Variants in PIP5K1B observed in about 807,000 individuals in gnomAD.
The protein encoded by PIP5K1B is phosphatidylinositol-4-phosphate 5-kinase type 1 beta.
A neutral mutation model predicts 67.0 loss-of-function variants in PIP5K1B; 42 were observed. The ratio of observed to expected loss-of-function variants is 0.63; its 90% CI spans 0.49 to 0.81. The LOEUF is 0.81. PIP5K1B is among the 30% of genes least tolerant of loss of function. The probability of loss-of-function intolerance (pLI) is 0.00; values close to 1 mark genes in which losing one functional copy is unlikely to be tolerated. For missense variants in PIP5K1B, 459 were observed against 646.3 expected (o/e 0.71, Z 3.14); for synonymous variants, 214 against 231.4 (o/e 0.92, Z 0.68).
chr9:69,005,872 C>T (rs1831053107), intron 15 of PIP5K1B, among the ~76,000 whole-genome samples: 1 of 150,050 alleles, frequency 6.7e-6, no homozygotes. Context: ...AGTGACCACT[C>T]ATTTCTTTCT....
chr9:68,874,826 T>G (rs1823796002), intron 5 of PIP5K1B, among the ~76,000 whole-genome samples: 1 of 152,228 alleles, frequency 6.6e-6, no homozygotes, highest in South Asian at 2.1e-4. Context: ...AGCAGCCTGC[T>G]TCAGAACCTA....
At chr9:68,746,024 C>A (rs1317811393) in intron 2 of PIP5K1B, among the ~76,000 whole-genome samples, 1 of 149,636 alleles carries the variant, frequency 6.7e-6, no homozygotes, top group African/African-American at 2.5e-5. Flanking sequence ...TAAAAAGTTA[C>A]TTTTGTTTAA....
intron 2 of PIP5K1B, among the ~76,000 whole-genome samples, chr9:68,743,951 C>A (rs1256758494): frequency 6.6e-6 from 1 of 152,090 alleles, no homozygotes; most frequent in Non-Finnish European, 1.5e-5. Flanking sequence ...TCATAAAGCA[C>A]AATATTGGGA....
chr9:68,888,446 A>C (rs1379737616), intron 6 of PIP5K1B, among the ~76,000 whole-genome samples: 3 of 152,258 alleles, frequency 2.0e-5, no homozygotes, highest in African/African-American at 7.2e-5. Flanking sequence ...TGGTATAACC[A>C]AAATAGAAAT....
intron 14 of PIP5K1B, among the ~76,000 whole-genome samples, chr9:68,982,537 GC>G (rs940149137): frequency 6.6e-6 from 1 of 151,944 alleles, no homozygotes; most frequent in Non-Finnish European, 1.5e-5. Context: ...TGGGTGGATC[GC>G]CCAAGGCCAG....
chr9:68,998,507 T>G (rs1315949269), intron 15 of PIP5K1B, among the ~76,000 whole-genome samples: 1 of 152,166 alleles, frequency 6.6e-6, no homozygotes, highest in Non-Finnish European at 1.5e-5. Flanking sequence ...TCCTATTGCT[T>G]CTCTTTGTGG....
At chr9:68,773,642 A>G (rs1830770181) in intron 2 of PIP5K1B, among the ~76,000 whole-genome samples, 1 of 152,204 alleles carries the variant, frequency 6.6e-6, no homozygotes, top group Non-Finnish European at 1.5e-5. Context: ...CACTGTCTCC[A>G]TAAGAAGGAT....
chr9:68,730,676 T>A (rs185203773), intron 1 of PIP5K1B, among the ~76,000 whole-genome samples: 38 of 152,316 alleles, frequency 2.5e-4, no homozygotes, highest in Admixed American at 3.9e-4. Flanking sequence ...GAAGTCACTG[T>A]AGTGGACTTT....
chr9:68,722,297 C>T (rs975277153), intron 1 of PIP5K1B, among the ~76,000 whole-genome samples: 5 of 152,250 alleles, frequency 3.3e-5, no homozygotes, highest in Non-Finnish European at 7.4e-5. Context: ...CTTCACCTCC[C>T]GGGTTCAAGC....
intron 15 of PIP5K1B, 80 bp downstream of exon 15, chr9:68,991,337 C>A: frequency 2.6e-6 from 2 of 772,734 alleles, no homozygotes; most frequent in South Asian, 1.5e-5. Flanking sequence ...AGAACAAGTT[C>A]AATAAAACCA....
intron 14 of PIP5K1B, among the ~76,000 whole-genome samples, chr9:68,989,903 C>G (rs1830283665): frequency 6.6e-6 from 1 of 152,022 alleles, no homozygotes; most frequent in African/African-American, 2.4e-5. Flanking sequence ...TCACTGGAAC[C>G]CAGGAGGTGG....
At chr9:68,922,124 C>T (rs146324222) in intron 11 of PIP5K1B, among the ~76,000 whole-genome samples, 161 of 152,244 alleles carry the variant, frequency 1.1e-3, no homozygotes, top group African/African-American at 3.8e-3. Context: ...AAGAATGTGT[C>T]CACTTCAGGC....
At chr9:68,958,784 A>AT (rs953823566) in intron 14 of PIP5K1B, among the ~76,000 whole-genome samples, 1 of 151,938 alleles carries the variant, frequency 6.6e-6, no homozygotes, top group Non-Finnish European at 1.5e-5. Context: ...TAAAAGGTTA[A>AT]TTTTTTTTGG....
rs115444102 is a variant in PIP5K1B at position 68,887,077 on chromosome 9, T to C, written c.319-1904T>C. ...CTCAACCTCTGCTCCAATGTCACCTTTGCAAGGAGGCCTTCAGTGACCACC... is the reference window on the plus strand; with the variant it reads ...CTCAACCTCTGCTCCAATGTCACCTCTGCAAGGAGGCCTTCAGTGACCACC... On this transcript the variant is annotated intron_variant, in intron 6 of 15. Coordinates refer to ENST00000265382, the MANE Select transcript of PIP5K1B (RefSeq NM_003558.4). Among the ~76,000 whole-genome samples the C allele has an allele frequency of 5.1e-3, 779 of 152,340 alleles. 10 individuals are homozygous for C. Among genetic ancestry groups the C allele is most frequent in the African/African-American group, 0.018 (746 of 41,572 alleles).
intron 8 of PIP5K1B, among the ~76,000 whole-genome samples, chr9:68,902,230 T>A (rs971629155): frequency 1.3e-5 from 2 of 152,214 alleles, no homozygotes; most frequent in Non-Finnish European, 2.9e-5. Flanking sequence ...TTCTCAAAGA[T>A]GCCTAATGGT....
chr9:68,882,907 C>T (rs143154174), intron 6 of PIP5K1B, among the ~76,000 whole-genome samples: 4 of 152,302 alleles, frequency 2.6e-5, no homozygotes, highest in African/African-American at 7.2e-5. Context: ...ACCCTGAAGT[C>T]ATGGGCAGTA....
chr9:68,958,774 T>A (rs2132729662), intron 14 of PIP5K1B, among the ~76,000 whole-genome samples: 1 of 152,368 alleles, frequency 6.6e-6, no homozygotes, highest in Non-Finnish European at 1.5e-5. Context: ...CCACAAATTT[T>A]AAAAGGTTAA....
intron 4 of PIP5K1B, among the ~76,000 whole-genome samples, chr9:68,860,666 C>T (rs964626621): frequency 6.6e-6 from 1 of 152,202 alleles, no homozygotes; most frequent in African/African-American, 2.4e-5. Flanking sequence ...GACTCCACCA[C>T]ATACTAGCAA....
In PIP5K1B at chr9:68,892,934, G is replaced by A. The variant is rs1263237351; in HGVS notation, c.472-1405G>A. Among the ~76,000 whole-genome samples, 3 of 152,150 alleles carry A rather than the reference G, an allele frequency of 2.0e-5. No individual in the cohort carries two copies. The East Asian group carries it at 5.8e-4, about 29-fold the overall frequency. ...CTAAGAATACAAAAATTATCTGGGT[G>A]TGGCGGCACACACCTGTAGTCCCAG... On this transcript the variant is annotated intron_variant, in intron 7 of 15. Coordinates refer to ENST00000265382, the MANE Select transcript of PIP5K1B (RefSeq NM_003558.4).
Sources: allele counts gnomAD v4.1 joint callset (sites outside exome capture counted in the v4.1 genomes callset), GRCh38; gene constraint gnomAD v4.1.1; transcripts MANE v1.5; gene names NCBI Gene and HGNC (gene_info 2026-07-23, HGNC 2026-07-21).